The following TGFA variants were observed in gnomAD, a reference collection of about 807,000 sequenced individuals.
TGFA encodes the protein protransforming growth factor alpha.
A neutral mutation model predicts 21.7 loss-of-function variants in TGFA; 12 were observed. The observed-to-expected ratio is 0.55, with a 90% CI of 0.35 to 0.90. TGFA has a LOEUF of 0.90. TGFA is among the 40% of genes least tolerant of loss of function. TGFA has a pLI of 0.01. For synonymous variants in TGFA, 79 were observed against 88.1 expected, an observed-to-expected ratio of 0.90 and a Z score of 0.58; for missense variants, 178 against 210.8, an observed-to-expected ratio of 0.84 and a Z score of 0.96.
intron 1 of TGFA, among the ~76,000 whole-genome samples, chr2:70,543,798 A>C (rs1313236068): frequency 6.6e-6 from 1 of 152,206 alleles, no homozygotes; most frequent in African/African-American, 2.4e-5. Flanking sequence ...TTCAACTAGC[A>C]GAACACAAAA....
chr2:70,543,842 C>G (rs1369394655), intron 1 of TGFA, among the ~76,000 whole-genome samples: 2 of 152,070 alleles, frequency 1.3e-5, no homozygotes, highest in African/African-American at 4.8e-5. Flanking sequence ...TTTTATAAAG[C>G]TGACATAATA....
rs1670029609 is a variant in TGFA at position 70,450,793 on chromosome 2, T to C, written c.*66A>G. 6.3e-7 allele frequency: 1 copy of C among 1,578,530 alleles called. No individual in the cohort carries two copies. Among genetic ancestry groups the C allele is most frequent in the Non-Finnish European group, 8.6e-7 (1 of 1,156,256 alleles). ...CACCCAGGCATCTCTGGCAGTGCTGTCCTGAAGAAGCCTTTCTTTATTGAT... is the reference window on the plus strand; with the variant it reads ...CACCCAGGCATCTCTGGCAGTGCTGCCCTGAAGAAGCCTTTCTTTATTGAT... On this transcript the variant is annotated 3_prime_UTR_variant, in exon 6 of 6. Coordinates refer to ENST00000295400, the MANE Select transcript of TGFA (RefSeq NM_003236.4).
At chr2:70,538,642 G>A (rs1376370192) in intron 1 of TGFA, among the ~76,000 whole-genome samples, 1 of 152,208 alleles carries the variant, frequency 6.6e-6, no homozygotes, top group East Asian at 1.9e-4. Flanking sequence ...AGATGAGACT[G>A]AATTGCTGCA....
At chr2:70,464,541 T>C (rs1387079184) in intron 3 of TGFA, among the ~76,000 whole-genome samples, 10 of 152,168 alleles carry the variant, frequency 6.6e-5, no homozygotes, top group Admixed American at 5.9e-4. Context: ...AGTAGTGCTA[T>C]TGGCATCTAG....
chr2:70,547,848 T>C (rs1170203939), intron 1 of TGFA, among the ~76,000 whole-genome samples: 1 of 148,030 alleles, frequency 6.8e-6, no homozygotes, highest in Non-Finnish European at 1.5e-5. Context: ...TATAGAGATA[T>C]ATATATCTAT....
intron 2 of TGFA, among the ~76,000 whole-genome samples, chr2:70,487,034 T>C (rs1480268013): frequency 6.6e-6 from 1 of 152,240 alleles, no homozygotes; most frequent in East Asian, 1.9e-4. Flanking sequence ...AGTGCTAGGA[T>C]TACAGGCATG....
Position 70,450,721 on chromosome 2 carries a change from A to G in TGFA, c.*138T>C, listed in dbSNP as rs1670027653. ...TCTTGACAGAGTTTTGAAGGCCCAC[A>G]AAAGGCTGCACAGGTGATTACAGGC... On this transcript the variant is annotated 3_prime_UTR_variant, in exon 6 of 6. Transcript: ENST00000295400. The G allele has an allele frequency of 2.1e-6, 2 of 939,196 alleles. No homozygotes were observed. Among genetic ancestry groups the G allele is most frequent in the Non-Finnish European group, 1.7e-6 (1 of 605,654 alleles). 58.2% of individuals were successfully genotyped at this position (939,196 alleles called of 1,614,324 possible). A position where few individuals can be genotyped will look rare whatever the true frequency, so the allele number is the denominator to read the frequency against.
chr2:70,502,106 G>T (rs546095016), intron 2 of TGFA, among the ~76,000 whole-genome samples: 1 of 152,172 alleles, frequency 6.6e-6, no homozygotes, highest in Admixed American at 6.5e-5. Context: ...CAGCCCTGGT[G>T]GTTCCCTCCA....
intron 1 of TGFA, among the ~76,000 whole-genome samples, chr2:70,524,725 G>A (rs1225457997): frequency 6.6e-6 from 1 of 152,204 alleles, no homozygotes; most frequent in East Asian, 1.9e-4. Flanking sequence ...TGGCGGCAGT[G>A]GGCTAGGGAC....
At chr2:70,451,793 G>A in intron 5 of TGFA, 1 of 699,718 alleles carries the variant, frequency 1.4e-6, no homozygotes. Context: ...GGCTTTAGAG[G>A]CCCTGGTTCT....
intron 1 of TGFA, among the ~76,000 whole-genome samples, chr2:70,528,417 A>T (rs1208762390): frequency 3.4e-5 from 5 of 148,148 alleles, no homozygotes; most frequent in Non-Finnish European, 7.5e-5. Context: ...CACTGGGAGC[A>T]TGTCAGACGA....
intron 3 of TGFA, among the ~76,000 whole-genome samples, chr2:70,463,934 G>A (rs782682891): frequency 5.9e-5 from 9 of 152,144 alleles, no homozygotes; most frequent in Non-Finnish European, 7.4e-5. Context: ...CATCATCATC[G>A]TGCTTTGTAT....
At chr2:70,474,958 AAC>A (rs1670876086) in intron 2 of TGFA, among the ~76,000 whole-genome samples, 2 of 142,338 alleles carry the variant, frequency 1.4e-5, no homozygotes, top group Admixed American at 1.4e-4. Context: ...GGTTATTGAT[AAC>A]ACAGCAGCCG....
intron 2 of TGFA, among the ~76,000 whole-genome samples, chr2:70,502,954 G>T (rs546205430): frequency 9.9e-5 from 15 of 152,258 alleles, no homozygotes; most frequent in South Asian, 2.1e-4. Context: ...TACAGATGGG[G>T]GACGGAGGCA....
intron 1 of TGFA, among the ~76,000 whole-genome samples, chr2:70,538,739 G>C (rs905599524): frequency 6.6e-6 from 1 of 152,232 alleles, no homozygotes; most frequent in African/African-American, 2.4e-5. Context: ...TACTCCTGGT[G>C]AAGATGCTGT....
chr2:70,524,507 C>T (rs1389662181), intron 1 of TGFA, among the ~76,000 whole-genome samples: 1 of 152,250 alleles, frequency 6.6e-6, no homozygotes, highest in Non-Finnish European at 1.5e-5. Context: ...ATCGCCGAGC[C>T]CTCTCGGGCT....
chr2:70,500,550 A>G (rs1671707335), intron 2 of TGFA, among the ~76,000 whole-genome samples: 1 of 151,962 alleles, frequency 6.6e-6, no homozygotes, highest in South Asian at 2.1e-4. Context: ...CTTTTTTTCC[A>G]AGAGCAACTA....
intron 1 of TGFA, among the ~76,000 whole-genome samples, chr2:70,517,534 C>T (rs1672323149): frequency 6.6e-6 from 1 of 152,212 alleles, no homozygotes; most frequent in South Asian, 2.1e-4. Context: ...TATAACAACT[C>T]ATGACATAGG....
At chr2:70,553,604 A>G in intron 1 of TGFA, 124 bp downstream of exon 1, 7 of 1,316,444 alleles carry the variant, frequency 5.3e-6, no homozygotes, top group Middle Eastern at 2.0e-4. Context: ...CAACCCATTG[A>G]GACTACTCGC....
Sources: gnomAD v4.1 joint callset for allele counts (sites outside exome capture counted in the v4.1 genomes callset) on GRCh38, gnomAD v4.1.1 for gene constraint, MANE v1.5 for transcripts, NCBI Gene and HGNC (gene_info 2026-07-23, HGNC 2026-07-21) for gene names.